The following COX16 variants were observed in gnomAD, a reference collection of about 807,000 sequenced individuals.
COX16 encodes cytochrome c oxidase assembly protein COX16 homolog, mitochondrial.
Under a neutral mutation model 15.4 loss-of-function variants are expected in COX16, and 12 were observed. That is an observed-to-expected ratio of 0.78 (90% CI 0.50 to 1.26). The LOEUF (loss-of-function observed/expected upper bound fraction) is 1.26. Ranked by LOEUF, COX16 falls within the 50% of genes most tolerant of loss-of-function variation. The probability of loss-of-function intolerance (pLI) is 0.00; values close to 1 mark genes in which losing one functional copy is unlikely to be tolerated. For synonymous variants in COX16, 46 were observed against 41.1 expected, an observed-to-expected ratio of 1.12 and a Z score of -0.46; for missense variants, 124 against 127.6, an observed-to-expected ratio of 0.97 and a Z score of 0.14.
chr14:70,328,778 T>C (rs991107122), intron 3 of COX16, among the ~76,000 whole-genome samples: 7 of 152,202 alleles, frequency 4.6e-5, no homozygotes, highest in South Asian at 2.1e-4. Context: ...CTGTAGGATT[T>C]CTCATGTAAT....
At chr14:70,336,935 T>G (rs923010710) in intron 2 of COX16, among the ~76,000 whole-genome samples, 1 of 152,194 alleles carries the variant, frequency 6.6e-6, no homozygotes, top group African/African-American at 2.4e-5. Context: ...TACTGCAGTC[T>G]CTTGGAGTTT....
rs34871293 is a variant in COX16 at position 70,358,371 on chromosome 14, A to ATTTTT, written c.69+1143_69+1147dup. Among the ~76,000 whole-genome samples the ATTTTT allele has an allele frequency of 2.7e-4, 25 of 94,058 alleles. 1 individual carries two copies. Among genetic ancestry groups the ATTTTT allele is most frequent in the Non-Finnish European group, 4.4e-4 (22 of 49,952 alleles). 61.7% of individuals were successfully genotyped at this position (94,058 alleles called of 152,430 possible). ...AATATCGAATTTGCTAAAAACAACA[A>ATTTTT]TTTTTTTTTTTTTTTTTTTTTTTGG... is the stretch of plus-strand genomic sequence containing the variant. On this transcript the variant is annotated intron_variant, in intron 1 of 3. Coordinates refer to ENST00000389912, the MANE Select transcript of COX16 (RefSeq NM_016468.7).
intron 1 of COX16, among the ~76,000 whole-genome samples, chr14:70,356,463 G>A (rs369238818): frequency 1.1e-4 from 17 of 152,216 alleles, no homozygotes; most frequent in African/African-American, 3.4e-4. Flanking sequence ...GTACCAGTCC[G>A]TGGCCCAGGG....
intron 1 of COX16, among the ~76,000 whole-genome samples, chr14:70,346,033 C>T (rs1053842909): frequency 6.6e-6 from 1 of 152,100 alleles, no homozygotes; most frequent in Non-Finnish European, 1.5e-5. Flanking sequence ...TCTCCTCCCC[C>T]ACTGCCCTCT....
At chr14:70,330,101 TAAGA>T (rs928700831) in intron 2 of COX16, among the ~76,000 whole-genome samples, 4 of 151,904 alleles carry the variant, frequency 2.6e-5, no homozygotes, top group African/African-American at 4.8e-5. Flanking sequence ...AAGAACATCA[TAAGA>T]AATAAGCACA....
intron 1 of COX16, among the ~76,000 whole-genome samples, chr14:70,344,146 A>C (rs941544067): frequency 6.6e-6 from 1 of 152,226 alleles, no homozygotes; most frequent in African/African-American, 2.4e-5. Context: ...AAAATATCTC[A>C]AGAACTGATG....
intron 2 of COX16, among the ~76,000 whole-genome samples, chr14:70,332,089 C>T (rs547119036): frequency 1.3e-5 from 2 of 152,362 alleles, no homozygotes; most frequent in African/African-American, 2.4e-5. Flanking sequence ...ATTTGGCCTT[C>T]AGTCTACAAC....
intron 3 of COX16, among the ~76,000 whole-genome samples, chr14:70,327,532 T>TA (rs1491202425): frequency 6.6e-6 from 1 of 152,120 alleles, no homozygotes; most frequent in African/African-American, 2.4e-5. Context: ...ACTGTTCACT[T>TA]ATAGTTTTAC....
intron 1 of COX16, among the ~76,000 whole-genome samples, chr14:70,355,493 A>G (rs1887098201): frequency 6.6e-6 from 1 of 152,208 alleles, no homozygotes; most frequent in South Asian, 2.1e-4. Flanking sequence ...CCATACAGAC[A>G]TGATCAAGCA....
intron 2 of COX16, among the ~76,000 whole-genome samples, chr14:70,329,576 TTAAGTA>T (rs1276503387): frequency 6.6e-6 from 1 of 152,022 alleles, no homozygotes; most frequent in African/African-American, 2.4e-5. Flanking sequence ...GAGCTTGGCT[TTAAGTA>T]TTAGTTCTCT....
At chr14:70,339,574 C>A (rs1326484847) in intron 2 of COX16, among the ~76,000 whole-genome samples, 2 of 152,134 alleles carry the variant, frequency 1.3e-5, no homozygotes, top group African/African-American at 4.8e-5. Flanking sequence ...AGTGTCAACC[C>A]CCCTTGACCT....
chr14:70,331,409 T>C (rs1261887903), intron 2 of COX16, among the ~76,000 whole-genome samples: 2 of 151,164 alleles, frequency 1.3e-5, no homozygotes, highest in Admixed American at 6.6e-5. Context: ...TCCTAAAAAA[T>C]AGTAGGAAAA....
intron 1 of COX16, among the ~76,000 whole-genome samples, chr14:70,345,039 T>C (rs1209037362): frequency 1.3e-5 from 2 of 152,162 alleles, no homozygotes; most frequent in African/African-American, 4.8e-5. Flanking sequence ...GAACCGTACA[T>C]CTGGTGCTGA....
chr14:70,345,073 C>T (rs898467052), intron 1 of COX16, among the ~76,000 whole-genome samples: 1 of 152,182 alleles, frequency 6.6e-6, no homozygotes, highest in Non-Finnish European at 1.5e-5. Flanking sequence ...TTCTGGTCCA[C>T]GTCCCCTGTG....
At chr14:70,350,844 G>T (rs981285173) in intron 1 of COX16, among the ~76,000 whole-genome samples, 10 of 152,120 alleles carry the variant, frequency 6.6e-5, no homozygotes, top group African/African-American at 2.4e-4. Context: ...CTTCAGTGCT[G>T]CAATGTATTA....
chr14:70,345,901 A>C (rs1886764956), intron 1 of COX16, among the ~76,000 whole-genome samples: 1 of 151,250 alleles, frequency 6.6e-6, no homozygotes, highest in Admixed American at 6.6e-5. Context: ...TTAACCCCCC[A>C]AGCCTCCTCG....
chr14:70,334,135 G>T (rs1201432217), intron 2 of COX16, among the ~76,000 whole-genome samples: 2 of 152,138 alleles, frequency 1.3e-5, no homozygotes, highest in African/African-American at 2.4e-5. Flanking sequence ...TACTAATACT[G>T]CAATCATGAT....
intron 2 of COX16, among the ~76,000 whole-genome samples, chr14:70,329,817 A>G (rs1342052963): frequency 6.6e-6 from 1 of 152,038 alleles, no homozygotes; most frequent in African/African-American, 2.4e-5. Context: ...CCTTCAGGAA[A>G]AAGAGTATGA....
chr14:70,330,374 C>A (rs535486639), intron 2 of COX16, among the ~76,000 whole-genome samples: 4 of 152,238 alleles, frequency 2.6e-5, no homozygotes, highest in Middle Eastern at 3.4e-3. Flanking sequence ...AGAATTAAAT[C>A]TATAATGAAT....
Sources: gnomAD v4.1 joint callset for allele counts (sites outside exome capture counted in the v4.1 genomes callset) on GRCh38, gnomAD v4.1.1 for gene constraint, MANE v1.5 for transcripts, NCBI Gene and HGNC (gene_info 2026-07-23, HGNC 2026-07-21) for gene names.